The following LRRC51 variants were observed in gnomAD, a reference collection of about 807,000 sequenced individuals.
LRRC51 encodes leucine-rich repeat-containing protein 51.
In LRRC51, 8 loss-of-function variants were observed where a neutral mutation model predicts 17.8. That is an observed-to-expected ratio of 0.45 (90% CI 0.26 to 0.81). LRRC51 has a LOEUF of 0.81. LRRC51 is among the 30% of genes least tolerant of loss of function. The probability of loss-of-function intolerance (pLI) is 0.17; values close to 1 mark genes in which losing one functional copy is unlikely to be tolerated. For missense variants in LRRC51, 233 were observed against 239.3 expected (o/e 0.97, Z 0.17); for synonymous variants, 92 against 96.0 (o/e 0.96, Z 0.24).
chr11:72,090,503 G>A (rs530991771), intron 3 of LRRC51, among the ~76,000 whole-genome samples: 3 of 152,210 alleles, frequency 2.0e-5, no homozygotes, highest in South Asian at 2.1e-4. Context: ...GTGTGTGTGC[G>A]TCATATGTAT....
intron 3 of LRRC51, among the ~76,000 whole-genome samples, chr11:72,093,045 C>T (rs568530528): frequency 2.0e-5 from 3 of 152,172 alleles, no homozygotes; most frequent in Non-Finnish European, 4.4e-5. Context: ...ATATCCAGTA[C>T]CTGGCATACT....
Position 72,081,967 on chromosome 11 carries a change from C to T in LRRC51, c.-140+1082C>T, listed in dbSNP as rs115700928. Reference sequence around the variant, plus strand: ...AAGGGACTTGCCCAAGGCCACACACCAAATTAGTGACAGAGCTAGAACTAG... The same window carrying T: ...AAGGGACTTGCCCAAGGCCACACACTAAATTAGTGACAGAGCTAGAACTAG... On this transcript the variant is annotated intron_variant, in intron 1 of 5. Transcript: ENST00000289488. Among the ~76,000 whole-genome samples, 660 of 152,256 alleles carry T rather than the reference C, an allele frequency of 4.3e-3. 2 individuals are homozygous for T. The highest frequency in any genetic ancestry group is 0.015 in the African/African-American group (631 of 41,540).
chr11:72,092,891 T>G (rs570587643), intron 3 of LRRC51, among the ~76,000 whole-genome samples: 1 of 152,334 alleles, frequency 6.6e-6, no homozygotes, highest in African/African-American at 2.4e-5. Flanking sequence ...CTGCTACAAC[T>G]ATTATATAGC....
In LRRC51 at chr11:72,095,767, G is replaced by C; in HGVS notation, c.*247G>C. The C allele has an allele frequency of 3.3e-6, 3 of 918,974 alleles. No homozygotes were observed. The highest frequency in any genetic ancestry group is 4.5e-6 in the Non-Finnish European group (3 of 665,978). The allele number at this position is 918,974 out of a possible 1,614,324, so 56.9% of individuals were successfully genotyped here. ...GGCTCACTGCAACCTCAGCCTCCCAGGTTCAAGAGATTCTCCTGCCTCAGC... is the reference window on the plus strand; with the variant it reads ...GGCTCACTGCAACCTCAGCCTCCCACGTTCAAGAGATTCTCCTGCCTCAGC... On this transcript the variant is annotated 3_prime_UTR_variant, in exon 6 of 6. Coordinates refer to ENST00000289488, the MANE Select transcript of LRRC51 (RefSeq NM_145309.6).
At chr11:72,087,086 A>T (rs1338320436) in intron 1 of LRRC51, among the ~76,000 whole-genome samples, 1 of 152,224 alleles carries the variant, frequency 6.6e-6, no homozygotes. Flanking sequence ...AACAGAATTA[A>T]GCTGTGAAGT....
chr11:72,085,225 G>A (rs542469727), intron 1 of LRRC51, among the ~76,000 whole-genome samples: 2 of 152,280 alleles, frequency 1.3e-5, no homozygotes, highest in East Asian at 3.9e-4. Flanking sequence ...CAAAAACACA[G>A]CCACAGGAGT....
intron 4 of LRRC51, chr11:72,094,485 TC>T: frequency 1.7e-6 from 1 of 577,236 alleles, no homozygotes. Flanking sequence ...TTTGGCCTTT[TC>T]TAGTCCAAGA....
chr11:72,088,981 C>A, intron 2 of LRRC51, 48 bp from the exon 3 acceptor site: 1 of 1,602,818 alleles, frequency 6.2e-7, no homozygotes, highest in South Asian at 1.1e-5. Context: ...TATGGGGAAA[C>A]CTGAAAGCCG....
chr11:72,089,454 G>C (rs1944734115), intron 3 of LRRC51: 3 of 1,344,500 alleles, frequency 2.2e-6, no homozygotes, highest in Non-Finnish European at 2.9e-6. Context: ...CACAGTAGTT[G>C]ATCATCTTTA....
intron 4 of LRRC51, chr11:72,094,629 G>A: frequency 1.5e-6 from 1 of 686,874 alleles, no homozygotes; most frequent in East Asian, 2.7e-5. Context: ...TGCTTGCTGT[G>A]ATAGAATCGT....
chr11:72,081,437 GAAACA>G (rs1414987660), intron 1 of LRRC51, among the ~76,000 whole-genome samples: 1 of 152,020 alleles, frequency 6.6e-6, no homozygotes, highest in Admixed American at 6.6e-5. Context: ...AAAACAAAAC[GAAACA>G]AAACAAAAAC....
rs58257513 is a variant in LRRC51, at chr11:72,087,287, CT to C, written c.-139-982del. Reference sequence around the variant, plus strand: ...AGGTCCTTGGTTTTTAACAGAAATTCTTTTTTTTTTTTTTTTTTTTTTTTTT... The same window carrying C: ...AGGTCCTTGGTTTTTAACAGAAATTCTTTTTTTTTTTTTTTTTTTTTTTTT... On this transcript the variant is annotated intron_variant, in intron 1 of 5. Coordinates refer to ENST00000289488, the MANE Select transcript of LRRC51 (RefSeq NM_145309.6). Among the ~76,000 whole-genome samples the C allele has an allele frequency of 7.5e-3, 808 of 107,112 alleles. 2 individuals are homozygous for C. Among genetic ancestry groups the C allele is most frequent in the African/African-American group, 0.027 (770 of 28,386 alleles). The allele number at this position is 107,112 out of a possible 152,430, so 70.3% of individuals were successfully genotyped here.
In LRRC51 at chr11:72,096,674, T is replaced by TA. The variant is rs1245323739; in HGVS notation, c.*1155dup. 4.5e-6 allele frequency: 7 copies of TA among 1,546,422 alleles called. No individual in the cohort carries two copies. The highest frequency in any genetic ancestry group is 6.1e-6 in the Non-Finnish European group (7 of 1,144,598). The stretch of plus-strand genomic sequence containing the variant: ...CTGGGCCCCTTTGTACTTTTCAGCT[T>TA]AGAGATTTGGGGGTTAAAGTAGATC... On this transcript the variant is annotated 3_prime_UTR_variant, in exon 6 of 6. Coordinates refer to ENST00000289488, the MANE Select transcript of LRRC51 (RefSeq NM_145309.6).
At chr11:72,094,729 C>G (rs993116361) in intron 4 of LRRC51, 2 of 907,792 alleles carry the variant, frequency 2.2e-6, no homozygotes, top group East Asian at 2.6e-5. Context: ...CAGGCCCACA[C>G]TCCTGACCCT....
chr11:72,093,163 T>A (rs961423182), intron 3 of LRRC51, among the ~76,000 whole-genome samples: 2 of 152,248 alleles, frequency 1.3e-5, no homozygotes, highest in Non-Finnish European at 2.9e-5. Context: ...TGTGCTATCA[T>A]CTACTCAGCT....
At position 72,095,130 on chromosome 11, in the gene LRRC51, T is replaced by C. The variant is rs762299716; in HGVS notation, c.437+34T>C. 1.4e-5 allele frequency: 22 copies of C among 1,609,756 alleles called. No individual in the cohort carries two copies. In the Admixed American group the frequency reaches 3.7e-4, roughly 27 times the overall value. On this transcript the variant is annotated intron_variant, in intron 5 of 5. Transcript: ENST00000289488. ...CCTGCCCCTGGAGGTAGCGTCTAGC[T>C]GGGCTCCCCTAAAGGAAAGGAGGAG...
intron 3 of LRRC51, among the ~76,000 whole-genome samples, chr11:72,090,391 G>C (rs908187138): frequency 6.6e-6 from 1 of 152,160 alleles, no homozygotes; most frequent in Admixed American, 6.5e-5. Context: ...AGTACCAAGG[G>C]TAACTCTACA....
At chr11:72,094,372 C>T (rs375686211) in intron 4 of LRRC51, 28 of 310,108 alleles carry the variant, frequency 9.0e-5, no homozygotes, top group Admixed American at 2.3e-4. Flanking sequence ...ACTGTCACTG[C>T]GCACCCACTG....
At chr11:72,084,385 T>A (rs1367463422) in intron 1 of LRRC51, among the ~76,000 whole-genome samples, 1 of 152,208 alleles carries the variant, frequency 6.6e-6, no homozygotes, top group Admixed American at 6.5e-5. Context: ...TGAAAACAGT[T>A]TTCTGTCAAC....
Sources: allele counts gnomAD v4.1 joint callset (sites outside exome capture counted in the v4.1 genomes callset), GRCh38; gene constraint gnomAD v4.1.1; transcripts MANE v1.5; gene names NCBI Gene and HGNC (gene_info 2026-07-23, HGNC 2026-07-21).